Variants in NSUN3 observed in about 807,000 individuals in gnomAD.
NSUN3 encodes NOP2/Sun RNA methyltransferase 3.
In NSUN3, 24 loss-of-function variants were observed where a neutral mutation model predicts 36.8. The observed-to-expected ratio is 0.65, with a 90% CI of 0.47 to 0.92. The LOEUF (loss-of-function observed/expected upper bound fraction) is 0.92. Among genes scored for constraint, NSUN3 ranks in the 40% least tolerant of loss-of-function variants. NSUN3 has a pLI of 0.00. For missense variants in NSUN3, 381 were observed against 392.8 expected, an observed-to-expected ratio of 0.97 and a Z score of 0.25; for synonymous variants, 146 against 145.2, an observed-to-expected ratio of 1.01 and a Z score of -0.04.
intron 2 of NSUN3, among the ~76,000 whole-genome samples, chr3:94,066,691 T>C (rs1437324453): frequency 6.6e-6 from 1 of 152,328 alleles, no homozygotes; most frequent in East Asian, 1.9e-4. Context: ...ATCAGTATGC[T>C]GTCATCTCAA....
At chr3:94,068,698 T>C (rs2077214303) in intron 2 of NSUN3, among the ~76,000 whole-genome samples, 3 of 152,052 alleles carry the variant, frequency 2.0e-5, no homozygotes, top group East Asian at 1.9e-4. Context: ...AAACAGACCA[T>C]ATAAGTCTGA....
intron 5 of NSUN3, among the ~76,000 whole-genome samples, chr3:94,102,379 G>A (rs985956906): frequency 1.3e-5 from 2 of 152,084 alleles, no homozygotes; most frequent in East Asian, 3.8e-4. Flanking sequence ...CTATCAGAAT[G>A]GAAGATTTCC....
chr3:94,121,623 T>C (rs1286462813), intron 5 of NSUN3, among the ~76,000 whole-genome samples: 1 of 151,884 alleles, frequency 6.6e-6, no homozygotes, highest in Non-Finnish European at 1.5e-5. Context: ...TAGAGGGCAG[T>C]GAATAGTGAG....
intron 2 of NSUN3, among the ~76,000 whole-genome samples, chr3:94,070,916 T>TTATCATC (rs1327667469): frequency 6.6e-6 from 1 of 152,232 alleles, no homozygotes; most frequent in African/African-American, 2.4e-5. Flanking sequence ...ACATTTTTGA[T>TTATCATC]GATAGGTTGC....
Position 94,127,366 on chromosome 3 carries a change from G to A in NSUN3, c.*876G>A, listed in dbSNP as rs975533422. On this transcript the variant is annotated 3_prime_UTR_variant, in exon 6 of 6. Coordinates refer to ENST00000314622, the MANE Select transcript of NSUN3 (RefSeq NM_022072.5). ...TATCTTACATTCACAATCTGGAGGGGCTTTTTATTTCACTTTGTTATAAAA... is the reference window on the plus strand; with the variant it reads ...TATCTTACATTCACAATCTGGAGGGACTTTTTATTTCACTTTGTTATAAAA... 3.9e-5 allele frequency: 6 copies of A among 152,134 alleles called. No homozygotes were observed. Among genetic ancestry groups the A allele is most frequent in the Admixed American group, 6.5e-5 (1 of 15,276 alleles). The allele number at this position is 152,134 out of a possible 1,614,324, so 9.4% of individuals were successfully genotyped here.
At chr3:94,102,660 A>G (rs1018396622) in intron 5 of NSUN3, among the ~76,000 whole-genome samples, 1 of 152,138 alleles carries the variant, frequency 6.6e-6, no homozygotes, top group Non-Finnish European at 1.5e-5. Flanking sequence ...GTTTGCAGAA[A>G]GTACACACTT....
At chr3:94,111,448 A>G (rs564404088) in intron 5 of NSUN3, among the ~76,000 whole-genome samples, 1 of 152,312 alleles carries the variant, frequency 6.6e-6, no homozygotes, top group Non-Finnish European at 1.5e-5. Context: ...TTTTTACTTT[A>G]TAAAGTTTTA....
At chr3:94,088,210 G>A (rs1448314863) in intron 3 of NSUN3, among the ~76,000 whole-genome samples, 1 of 152,182 alleles carries the variant, frequency 6.6e-6, no homozygotes, top group Non-Finnish European at 1.5e-5. Flanking sequence ...TTGTGGGAAT[G>A]AAAATAATAA....
In NSUN3 at chr3:94,079,806, T is replaced by C. The variant is rs905095155; in HGVS notation, c.123-4301T>C. On this transcript the variant is annotated intron_variant, in intron 2 of 5. Coordinates refer to ENST00000314622, the MANE Select transcript of NSUN3 (RefSeq NM_022072.5). ...TCATTTATGTTCTTCTCTAAACTGGTTATTCTAGTTAGCAATTTGTCTAAA... is the reference window on the plus strand; with the variant it reads ...TCATTTATGTTCTTCTCTAAACTGGCTATTCTAGTTAGCAATTTGTCTAAA... Among the ~76,000 whole-genome samples, 6 of 152,180 alleles carry C rather than the reference T, an allele frequency of 3.9e-5. No homozygotes were observed. In the East Asian group the frequency reaches 1.2e-3, roughly 30 times the overall value.
chr3:94,112,520 CA>C (rs1226579497), intron 5 of NSUN3, among the ~76,000 whole-genome samples: 1 of 152,160 alleles, frequency 6.6e-6, no homozygotes, highest in Non-Finnish European at 1.5e-5. Flanking sequence ...TCTAGGTAAT[CA>C]GTAGATGGCC....
intron 3 of NSUN3, among the ~76,000 whole-genome samples, chr3:94,093,638 T>C (rs1461550598): frequency 6.6e-6 from 1 of 152,220 alleles, no homozygotes; most frequent in African/African-American, 2.4e-5. Context: ...ACTGAAAGCC[T>C]GTGGAGTTTT....
intron 5 of NSUN3, among the ~76,000 whole-genome samples, chr3:94,106,905 G>C (rs536702437): frequency 2.6e-4 from 39 of 152,198 alleles, no homozygotes; most frequent in African/African-American, 8.7e-4. Flanking sequence ...AAATGCTTCA[G>C]GGAAGAAAAG....
intron 5 of NSUN3, among the ~76,000 whole-genome samples, chr3:94,099,455 C>T (rs897227781): frequency 6.6e-6 from 1 of 152,100 alleles, no homozygotes; most frequent in Admixed American, 6.6e-5. Flanking sequence ...GGGCACAAAA[C>T]TGACATCACA....
intron 5 of NSUN3, among the ~76,000 whole-genome samples, chr3:94,116,288 G>T (rs2077439988): frequency 6.6e-6 from 1 of 152,102 alleles, no homozygotes; most frequent in Non-Finnish European, 1.5e-5. Flanking sequence ...ACCTTTCAAG[G>T]ATGGAGAACT....
chr3:94,105,430 A>C (rs1560038513), intron 5 of NSUN3, among the ~76,000 whole-genome samples: 1 of 152,114 alleles, frequency 6.6e-6, no homozygotes, highest in Non-Finnish European at 1.5e-5. Flanking sequence ...GAGTCACTAA[A>C]ATGCCTTTAG....
intron 2 of NSUN3, among the ~76,000 whole-genome samples, chr3:94,068,889 A>G (rs984267798): frequency 1.8e-4 from 28 of 152,270 alleles, no homozygotes; most frequent in African/African-American, 6.3e-4. Context: ...GAAATGAACC[A>G]GTATCTAGAT....
chr3:94,100,611 A>T (rs2077361588), intron 5 of NSUN3, among the ~76,000 whole-genome samples: 2 of 152,222 alleles, frequency 1.3e-5, no homozygotes, highest in Admixed American at 6.5e-5. Flanking sequence ...CTAAAAGAAT[A>T]GATTTGTAGT....
intron 5 of NSUN3, among the ~76,000 whole-genome samples, chr3:94,099,804 G>GA (rs34896138): frequency 0.39 from 55,648 of 141,700 alleles, 11,186 homozygotes; most frequent in East Asian, 0.56. Context: ...TTCAAAAAAT[G>GA]AAAAAAAAAA....
intron 2 of NSUN3, among the ~76,000 whole-genome samples, chr3:94,079,909 C>T (rs981414434): frequency 6.6e-6 from 1 of 151,894 alleles, no homozygotes; most frequent in African/African-American, 2.4e-5. Flanking sequence ...TTATAACCCA[C>T]CTTCTGAAGC....
Sources: allele counts gnomAD v4.1 joint callset (sites outside exome capture counted in the v4.1 genomes callset), GRCh38; gene constraint gnomAD v4.1.1; transcripts MANE v1.5; gene names NCBI Gene and HGNC (gene_info 2026-07-23, HGNC 2026-07-21).